CEP120: variants seen among roughly 807,000 people sequenced by gnomAD.
CEP120 encodes centrosomal protein 120, also known as centrosomal protein of 120 kDa.
Under a neutral mutation model 126.5 loss-of-function variants are expected in CEP120, and 113 were observed. The ratio of observed to expected loss-of-function variants is 0.89; its 90% CI spans 0.77 to 1.04. The LOEUF (loss-of-function observed/expected upper bound fraction) is 1.04, where lower values mean the gene tolerates loss of function less well. CEP120 is among the 50% of genes least tolerant of loss of function. The probability of loss-of-function intolerance (pLI) is 0.00; values close to 1 mark genes in which losing one functional copy is unlikely to be tolerated. For synonymous variants in CEP120, 400 were observed against 394.3 expected (o/e 1.01, Z -0.17); for missense variants, 1,230 against 1,155.7 (o/e 1.06, Z -0.93).
chr5:123,389,835 T>C (rs1772270057), intron 8 of CEP120, 89 bp downstream of exon 8: 3 of 1,177,944 alleles, frequency 2.5e-6, no homozygotes, highest in Admixed American at 2.0e-5. Flanking sequence ...TTTTTACTTA[T>C]AACTCATGAA....
intron 19 of CEP120, among the ~76,000 whole-genome samples, chr5:123,347,186 TTTA>T (rs1393345664): frequency 6.6e-6 from 1 of 152,170 alleles, no homozygotes; most frequent in African/African-American, 2.4e-5. Context: ...ACTTTTCTCA[TTTA>T]TATAGAGATT....
chr5:123,360,342 TTTC>T (rs1186587193), intron 18 of CEP120, among the ~76,000 whole-genome samples: 1 of 151,956 alleles, frequency 6.6e-6, no homozygotes, highest in Non-Finnish European at 1.5e-5. Context: ...GTCTATTACT[TTTC>T]TTCTTAAAGT....
At chr5:123,362,532 C>A (rs996616205) in intron 18 of CEP120, among the ~76,000 whole-genome samples, 1 of 151,586 alleles carries the variant, frequency 6.6e-6, no homozygotes. Context: ...CACTTTTGCA[C>A]CTACCTAATA....
chr5:123,408,766 A>G (rs1421624138), intron 4 of CEP120, among the ~76,000 whole-genome samples: 1 of 152,226 alleles, frequency 6.6e-6, no homozygotes, highest in Non-Finnish European at 1.5e-5. Context: ...AACTCATTCT[A>G]TGAGGCCAGC....
intron 4 of CEP120, among the ~76,000 whole-genome samples, chr5:123,404,143 G>A (rs557730986): frequency 4.2e-5 from 6 of 143,508 alleles, no homozygotes. Flanking sequence ...CTCTCAAACA[G>A]TCCAGGGAAA....
rs1393006626 is a variant in CEP120 at position 123,377,410 on chromosome 5, T to C, written c.2322A>G (p.Lys774=). ...GGCGGTGTTTATCCTCTTCGAGCTG[T>C]TTGATTTTTAACCTTTCTAGTTCTA... is the stretch of plus-strand genomic sequence containing the variant. ...HQVELERLKI[K]QLEEDKHRLQ... Residue 774 remains lysine (K), a synonymous_variant, in exon 16 of 20, where the codon AAA becomes AAG. Transcript: ENST00000306467. 1.2e-6 allele frequency: 2 copies of C among 1,611,188 alleles called. No individual in the cohort carries two copies. Among genetic ancestry groups the C allele is most frequent in the Non-Finnish European group, 1.7e-6 (2 of 1,179,088 alleles).
intron 9 of CEP120, among the ~76,000 whole-genome samples, 187 bp from the exon 10 acceptor site, chr5:123,386,854 CTTT>C (rs1255273046): frequency 1.3e-5 from 2 of 152,014 alleles, no homozygotes; most frequent in Admixed American, 6.6e-5. Context: ...CATGTCCTAC[CTTT>C]TTTATCTCTG....
chr5:123,419,347 GTTA>G (rs1774570632), intron 1 of CEP120, among the ~76,000 whole-genome samples: 1 of 152,080 alleles, frequency 6.6e-6, no homozygotes, highest in African/African-American at 2.4e-5. Context: ...TGTTAACTCA[GTTA>G]AGAATACTTT....
intron 18 of CEP120, among the ~76,000 whole-genome samples, chr5:123,362,604 G>C (rs1770168736): frequency 6.6e-6 from 1 of 151,654 alleles, no homozygotes; most frequent in Non-Finnish European, 1.5e-5. Flanking sequence ...AATTCTGAAG[G>C]GCTCAGTGTT....
intron 4 of CEP120, chr5:123,402,126 A>G: frequency 6.3e-7 from 1 of 1,583,256 alleles, no homozygotes; most frequent in Non-Finnish European, 8.7e-7. Flanking sequence ...AAGGGGGCTC[A>G]GCAGGCTCTG....
chr5:123,421,510 G>A (rs1774711874), intron 1 of CEP120, among the ~76,000 whole-genome samples: 1 of 152,158 alleles, frequency 6.6e-6, no homozygotes, highest in African/African-American at 2.4e-5. Flanking sequence ...TTTATGTCCT[G>A]GGTTGTCAGA....
At chr5:123,420,323 A>G (rs1170249890) in intron 1 of CEP120, among the ~76,000 whole-genome samples, 1 of 152,264 alleles carries the variant, frequency 6.6e-6, no homozygotes, top group Non-Finnish European at 1.5e-5. Flanking sequence ...GCTGCAGACA[A>G]TGATACAGAG....
chr5:123,401,455 A>G (rs62376437), intron 4 of CEP120: 568,345 of 1,304,074 alleles, frequency 0.44, 124,688 homozygotes, highest in Middle Eastern at 0.47. Context: ...GGTTATCCCC[A>G]TGCTTCCCAG....
intron 18 of CEP120, among the ~76,000 whole-genome samples, chr5:123,353,517 AAAGT>A (rs1769351199): frequency 1.4e-5 from 1 of 71,212 alleles, no homozygotes; most frequent in Non-Finnish European, 3.0e-5. Flanking sequence ...CATTAAAAAA[AAAGT>A]AAGCATTTTT....
chr5:123,407,313 A>C lies in CEP120; in HGVS notation c.463+5086T>G, dbSNP rs866663770. Among the ~76,000 whole-genome samples, 10 of 152,204 alleles carry C rather than the reference A, an allele frequency of 6.6e-5. 1 individual carries two copies. In the South Asian group the frequency reaches 2.1e-3, roughly 32 times the overall value. On this transcript the variant is annotated intron_variant, in intron 4 of 19. Transcript: ENST00000306467. Reference sequence around the variant, plus strand: ...TTTAAATGCACCAGTTAAAAAACAGATTGTCAGAGTGGACCAAAAAACAAG... The same window carrying C: ...TTTAAATGCACCAGTTAAAAAACAGCTTGTCAGAGTGGACCAAAAAACAAG...
chr5:123,412,494 T>C lies in CEP120; in HGVS notation c.368A>G (p.Lys123Arg). The change falls in exon 4 of 20, where the codon AAG becomes AGG. Residue 123 changes from lysine to arginine, a missense_variant. Lys to Arg is a conservative substitution (Grantham distance 26). Coordinates refer to ENST00000306467, the MANE Select transcript of CEP120 (RefSeq NM_001375405.1). The part of the protein sequence containing the change: ...QLLSNKYTKF[K>R]SEIQISIALE... ...AGCAATACTTATCTGTATCTCAGAC[T>C]TGAATTTGGTGTATTTATTACTCAG... is the stretch of plus-strand genomic sequence containing the variant. 6.2e-7 allele frequency: 1 copy of C among 1,611,770 alleles called. No individual in the cohort carries two copies.
At chr5:123,394,566 C>T (rs928085635) in intron 5 of CEP120, among the ~76,000 whole-genome samples, 1 of 152,180 alleles carries the variant, frequency 6.6e-6, no homozygotes, top group African/African-American at 2.4e-5. Flanking sequence ...CTGTACCAGT[C>T]CGCAGCCTGA....
chr5:123,418,476 A>G lies in CEP120; in HGVS notation c.89T>C (p.Val30Ala). 4.3e-6 allele frequency: 7 copies of G among 1,611,698 alleles called. No individual in the cohort carries two copies. The highest frequency in any genetic ancestry group is 5.9e-6 in the Non-Finnish European group (7 of 1,178,234). Residue 30 changes from valine (V) to alanine (A), a missense_variant, in exon 2 of 20, where the codon GTG becomes GCG. Coordinates refer to ENST00000306467, the MANE Select transcript of CEP120 (RefSeq NM_001375405.1). ...FPKRPKHMLV[V>A]EAKFDGEQLA... The stretch of plus-strand genomic sequence containing the variant: ...CTGTTCTCCATCAAACTTTGCTTCC[A>G]CTACAAGCATATGCTTTGGACGTTT...
intron 17 of CEP120, 140 bp from the exon 18 acceptor site, chr5:123,364,734 A>C: frequency 2.6e-6 from 1 of 389,994 alleles, no homozygotes; most frequent in Non-Finnish European, 4.6e-6. Context: ...CTGTTATATA[A>C]TTTACTATAA....
Sources: gnomAD v4.1 joint callset for allele counts (sites outside exome capture counted in the v4.1 genomes callset) on GRCh38, gnomAD v4.1.1 for gene constraint, MANE v1.5 for transcripts, NCBI Gene and HGNC (gene_info 2026-07-23, HGNC 2026-07-21) for gene names.